ATXN7: variants seen among roughly 807,000 people sequenced by gnomAD.
ATXN7 encodes ataxin-7.
Under a neutral mutation model 70.5 loss-of-function variants are expected in ATXN7, and 12 were observed. That is an observed-to-expected ratio of 0.17 (90% CI 0.11 to 0.28). ATXN7 has a LOEUF of 0.28. ATXN7 is among the 10% of genes least tolerant of loss of function. The pLI is 1.00. For synonymous variants in ATXN7, 498 were observed against 448.7 expected (o/e 1.11, Z -1.39); for missense variants, 1,256 against 1,131.7 (o/e 1.11, Z -1.58).
At chr3:63,905,413 G>A (rs1195431875) in intron 2 of ATXN7, 2 of 152,092 alleles carry the variant, frequency 1.3e-5, no homozygotes, top group Non-Finnish European at 2.9e-5. Context: ...GTTTCACCAT[G>A]TTGGCCAGGA....
chr3:63,863,853 G>A, upstream of ATXN7: 1 of 1,216,444 alleles, frequency 8.2e-7, no homozygotes, highest in Non-Finnish European at 1.0e-6. Context: ...GGCGGCGGCG[G>A]AGGTCAAACT....
intron 1 of ATXN7, among the ~76,000 whole-genome samples, chr3:63,886,328 CTG>C (rs1457073093): frequency 2.6e-5 from 4 of 152,234 alleles, no homozygotes; most frequent in Middle Eastern, 3.4e-3. Context: ...TTCTAGGAAT[CTG>C]TTACACAGTA....
intron 8 of ATXN7, among the ~76,000 whole-genome samples, chr3:63,983,486 T>TA (rs559706269): frequency 0.015 from 2,198 of 149,462 alleles, 24 homozygotes; most frequent in Non-Finnish European, 0.019. Context: ...TTTTCTAGTT[T>TA]AAAAAAAAAA....
intron 4 of ATXN7, among the ~76,000 whole-genome samples, chr3:63,949,240 A>G (rs2074914664): frequency 6.6e-6 from 1 of 151,992 alleles, no homozygotes; most frequent in South Asian, 2.1e-4. Context: ...CAGAGCAGAA[A>G]AAGAATATAG....
At chr3:63,868,174 T>G (rs944976994) in intron 1 of ATXN7, among the ~76,000 whole-genome samples, 4 of 152,222 alleles carry the variant, frequency 2.6e-5, no homozygotes, top group Non-Finnish European at 4.4e-5. Context: ...ATTTGAAATT[T>G]GACTCAAAGG....
intron 5 of ATXN7, among the ~76,000 whole-genome samples, chr3:63,965,231 G>A (rs1390706139): frequency 1.3e-5 from 2 of 152,140 alleles, no homozygotes; most frequent in Non-Finnish European, 2.9e-5. Context: ...CGTTTAACAA[G>A]TGCTGGGCGT....
intron 4 of ATXN7, among the ~76,000 whole-genome samples, chr3:63,914,383 T>C (rs1233387667): frequency 6.6e-6 from 1 of 152,176 alleles, no homozygotes; most frequent in Non-Finnish European, 1.5e-5. Flanking sequence ...AGCTTCCAAT[T>C]GGAACAGATT....
chr3:63,917,766 GC>G (rs1704341692), intron 4 of ATXN7, among the ~76,000 whole-genome samples: 1 of 152,192 alleles, frequency 6.6e-6, no homozygotes, highest in Non-Finnish European at 1.5e-5. Context: ...GTAAATATTT[GC>G]CCCAAAAGTG....
intron 10 of ATXN7, 135 bp downstream of exon 10, chr3:63,990,509 G>A (rs553671219): frequency 8.0e-7 from 1 of 1,252,138 alleles, no homozygotes; most frequent in East Asian, 2.5e-5. Context: ...TTCAAAACAG[G>A]GTGCCCCAGA....
At chr3:63,872,998 C>T (rs1480350155) in intron 1 of ATXN7, among the ~76,000 whole-genome samples, 1 of 151,780 alleles carries the variant, frequency 6.6e-6, no homozygotes, top group Non-Finnish European at 1.5e-5. Flanking sequence ...AAAGAACTTG[C>T]ATGGGGGAGG....
At chr3:63,958,388 A>C (rs774511249) in intron 5 of ATXN7, among the ~76,000 whole-genome samples, 1 of 152,212 alleles carries the variant, frequency 6.6e-6, no homozygotes, top group Non-Finnish European at 1.5e-5. Context: ...TGTTAGTACT[A>C]TAAGAGAAAA....
At chr3:63,925,500 G>A (rs560135875) in intron 4 of ATXN7, among the ~76,000 whole-genome samples, 18 of 152,218 alleles carry the variant, frequency 1.2e-4, no homozygotes, top group African/African-American at 1.7e-4. Flanking sequence ...TCTAGGTTGC[G>A]TGCTCATTAT....
intron 1 of ATXN7, among the ~76,000 whole-genome samples, chr3:63,868,670 G>T (rs546360047): frequency 8.0e-4 from 122 of 151,980 alleles, no homozygotes; most frequent in Admixed American, 2.1e-3. Context: ...GATGCTGCTG[G>T]GCAGGAAGAA....
At chr3:63,989,790 A>AC (rs1325052173) in intron 9 of ATXN7, among the ~76,000 whole-genome samples, 2 of 152,186 alleles carry the variant, frequency 1.3e-5, no homozygotes, top group African/African-American at 4.8e-5. Context: ...ATACCGAGGG[A>AC]CAACTATGTT....
At position 63,863,951 on chromosome 3, in the gene ATXN7, G is replaced by GCGCCGCCGCCGCCGCCGCCGCCGC. The variant is rs1161401026; in HGVS notation, c.-314_-291dup. 4 of 81,062 alleles carry GCGCCGCCGCCGCCGCCGCCGCCGC rather than the reference G, an allele frequency of 4.9e-5. No individual in the cohort carries two copies. Among genetic ancestry groups the GCGCCGCCGCCGCCGCCGCCGCCGC allele is most frequent in the Admixed American group, 3.9e-4 (3 of 7,692 alleles). 5.0% of individuals were successfully genotyped at this position (81,062 alleles called of 1,614,324 possible). ...TCCGACGCCTGAGCCGCGCCGCGCC[G>GCGCCGCCGCCGCCGCCGCCGCCGC]CGCCGCCGCCGCCGCCGCCGCCGCC... On this transcript the variant is annotated 5_prime_UTR_variant, in exon 1 of 13. Coordinates refer to ENST00000674280, the MANE Select transcript of ATXN7 (RefSeq NM_001377405.1).
At chr3:63,949,506 C>T (rs1295485618) in intron 4 of ATXN7, among the ~76,000 whole-genome samples, 1 of 152,176 alleles carries the variant, frequency 6.6e-6, no homozygotes, top group Non-Finnish European at 1.5e-5. Flanking sequence ...TCAAGTGATT[C>T]TCCTGCCTCA....
intron 1 of ATXN7, chr3:63,867,205 T>G (rs1194779778): frequency 6.6e-6 from 1 of 152,212 alleles, no homozygotes; most frequent in Non-Finnish European, 1.5e-5. Context: ...TGACCAGAAC[T>G]TTTTGTGTAT....
intron 1 of ATXN7, among the ~76,000 whole-genome samples, chr3:63,878,171 A>T (rs1306405660): frequency 6.6e-6 from 1 of 152,182 alleles, no homozygotes; most frequent in Non-Finnish European, 1.5e-5. Flanking sequence ...AAAACTAGTA[A>T]AAGTGAAGTG....
intron 1 of ATXN7, among the ~76,000 whole-genome samples, chr3:63,895,469 A>C (rs542967304): frequency 4.6e-5 from 7 of 152,226 alleles, no homozygotes; most frequent in Non-Finnish European, 1.0e-4. Flanking sequence ...TCTACTTTTA[A>C]AATACGTTTT....
Sources: gnomAD v4.1 joint callset for allele counts (sites outside exome capture counted in the v4.1 genomes callset) on GRCh38, gnomAD v4.1.1 for gene constraint, MANE v1.5 for transcripts, NCBI Gene and HGNC (gene_info 2026-07-23, HGNC 2026-07-21) for gene names.